Variants in DOCK9 observed in about 807,000 individuals in gnomAD.
DOCK9 encodes the protein dedicator of cytokinesis protein 9.
In DOCK9, 89 loss-of-function variants were observed where a neutral mutation model predicts 263.3. The observed-to-expected ratio is 0.34, with a 90% CI of 0.28 to 0.40. DOCK9 has a LOEUF of 0.40. Ranked by LOEUF, DOCK9 falls within the 10% of genes least tolerant of loss-of-function variation. DOCK9 has a pLI of 1.00. For missense variants in DOCK9, 2,140 were observed against 2,603.4 expected, an observed-to-expected ratio of 0.82 and a Z score of 3.87; for synonymous variants, 976 against 973.1, an observed-to-expected ratio of 1.00 and a Z score of -0.06.
At chr13:98,963,655 A>T (rs954131454) in intron 1 of DOCK9, among the ~76,000 whole-genome samples, 1 of 152,216 alleles carries the variant, frequency 6.6e-6, no homozygotes, top group African/African-American at 2.4e-5. Context: ...GAAATTCGTC[A>T]TTTCTGCTTA....
chr13:98,900,760 C>A (rs1353025422), intron 13 of DOCK9, among the ~76,000 whole-genome samples: 2 of 152,138 alleles, frequency 1.3e-5, no homozygotes, highest in African/African-American at 2.4e-5. Flanking sequence ...CCAAAGGACC[C>A]AGATGAGTTA....
chr13:98,843,161 A>G (rs1192132057), intron 38 of DOCK9, among the ~76,000 whole-genome samples: 1 of 152,112 alleles, frequency 6.6e-6, no homozygotes, highest in Non-Finnish European at 1.5e-5. Context: ...GACTCTTCCT[A>G]TTTTTATTCT....
chr13:98,808,053 T>C (rs1305588493), intron 47 of DOCK9, among the ~76,000 whole-genome samples: 1 of 152,192 alleles, frequency 6.6e-6, no homozygotes, highest in Non-Finnish European at 1.5e-5. Flanking sequence ...ATGAAAGATT[T>C]TGGATACAAG....
At chr13:99,023,700 T>C (rs1191933437) in intron 1 of DOCK9, among the ~76,000 whole-genome samples, 1 of 152,216 alleles carries the variant, frequency 6.6e-6, no homozygotes, top group East Asian at 1.9e-4. Flanking sequence ...TGTTTTCCTA[T>C]CACTTCTAGA....
At chr13:98,905,119 T>C (rs1365976273) in intron 9 of DOCK9, among the ~76,000 whole-genome samples, 1 of 152,144 alleles carries the variant, frequency 6.6e-6, no homozygotes, top group Non-Finnish European at 1.5e-5. Flanking sequence ...TGAGCCCAGA[T>C]GATAGACAGG....
At chr13:99,065,815 G>A (rs2041390171) in intron 1 of DOCK9, among the ~76,000 whole-genome samples, 1 of 152,166 alleles carries the variant, frequency 6.6e-6, no homozygotes, top group Non-Finnish European at 1.5e-5. Context: ...GGCAAGATGG[G>A]ACAGGATCTG....
intron 1 of DOCK9, among the ~76,000 whole-genome samples, chr13:98,973,347 A>G (rs982484803): frequency 3.3e-5 from 5 of 152,160 alleles, no homozygotes; most frequent in Non-Finnish European, 7.3e-5. Flanking sequence ...GGGATAGGAA[A>G]GATTTTCTAG....
intron 27 of DOCK9, among the ~76,000 whole-genome samples, chr13:98,875,155 T>C (rs951135313): frequency 6.6e-6 from 1 of 152,244 alleles, no homozygotes; most frequent in Admixed American, 6.5e-5. Context: ...GAACGTTTTC[T>C]TTCTCCAGTG....
At chr13:98,901,636 G>C (rs1398357196) in intron 13 of DOCK9, 142 bp downstream of exon 13, 9 of 980,188 alleles carry the variant, frequency 9.2e-6, no homozygotes, top group Non-Finnish European at 1.0e-5. Flanking sequence ...ATAAAGTTCA[G>C]AGTAAATACA....
chr13:98,977,081 T>C (rs972632402), intron 1 of DOCK9, among the ~76,000 whole-genome samples: 11 of 152,344 alleles, frequency 7.2e-5, no homozygotes, highest in African/African-American at 2.2e-4. Flanking sequence ...TGTGCCTTTA[T>C]TGTACTGAAG....
At chr13:98,831,998 C>A in intron 39 of DOCK9, 1 of 570,222 alleles carries the variant, frequency 1.8e-6, no homozygotes, top group African/African-American at 1.9e-5. Flanking sequence ...AACCTCCCAG[C>A]AAACTAACAG....
chr13:98,936,921 G>C (rs950992916), intron 2 of DOCK9, among the ~76,000 whole-genome samples: 1 of 152,196 alleles, frequency 6.6e-6, no homozygotes, highest in African/African-American at 2.4e-5. Flanking sequence ...TTATAGCGAA[G>C]TCCAAGTCAA....
At chr13:98,807,272 G>A (rs576139468) in intron 48 of DOCK9, among the ~76,000 whole-genome samples, 3 of 152,244 alleles carry the variant, frequency 2.0e-5, no homozygotes, top group East Asian at 3.9e-4. Flanking sequence ...TCACCCATCC[G>A]CCCATCTGTT....
chr13:99,000,212 C>A (rs1882012816), intron 1 of DOCK9, among the ~76,000 whole-genome samples: 1 of 152,148 alleles, frequency 6.6e-6, no homozygotes, highest in Non-Finnish European at 1.5e-5. Flanking sequence ...TTTTCACAGC[C>A]CTTCTCTGAG....
intron 1 of DOCK9, among the ~76,000 whole-genome samples, chr13:99,016,357 C>G (rs1318180487): frequency 1.3e-5 from 2 of 152,206 alleles, no homozygotes; most frequent in African/African-American, 4.8e-5. Flanking sequence ...ATCTTGACTT[C>G]AGCCCACCTC....
intron 1 of DOCK9, among the ~76,000 whole-genome samples, chr13:98,989,586 C>A (rs993907183): frequency 2.6e-5 from 4 of 152,058 alleles, no homozygotes; most frequent in African/African-American, 7.2e-5. Flanking sequence ...GACAAGGAAA[C>A]ACGAATGGGT....
At chr13:98,878,588 C>A (rs1468145746) in intron 27 of DOCK9, among the ~76,000 whole-genome samples, 1 of 152,216 alleles carries the variant, frequency 6.6e-6, no homozygotes, top group African/African-American at 2.4e-5. Flanking sequence ...GCCAAGCAGA[C>A]AATCTGCTAG....
chr13:98,891,674 G>A (rs183435140), intron 15 of DOCK9, among the ~76,000 whole-genome samples: 1 of 152,206 alleles, frequency 6.6e-6, no homozygotes, highest in Non-Finnish European at 1.5e-5. Context: ...CCTAACTATA[G>A]TTATTTCTTA....
chr13:99,021,315 C>A (rs1420304532), intron 1 of DOCK9, among the ~76,000 whole-genome samples: 1 of 152,128 alleles, frequency 6.6e-6, no homozygotes, highest in East Asian at 1.9e-4. Flanking sequence ...CAAATTCAAA[C>A]AACAAATTTT....
Sources: gnomAD v4.1 joint callset for allele counts (sites outside exome capture counted in the v4.1 genomes callset) on GRCh38, gnomAD v4.1.1 for gene constraint, MANE v1.5 for transcripts, NCBI Gene and HGNC (gene_info 2026-07-23, HGNC 2026-07-21) for gene names.